The following GSN variants were observed in gnomAD, a reference collection of about 807,000 sequenced individuals.
GSN encodes the protein gelsolin.
GSN carries 56 observed loss-of-function variants against 85.7 expected under a neutral mutation model. The observed-to-expected ratio is 0.65, with a 90% confidence interval of 0.53 to 0.82. GSN has a LOEUF of 0.82. Ranked by LOEUF, GSN falls within the 40% of genes least tolerant of loss-of-function variation. The probability of loss-of-function intolerance (pLI) is 0.00; values close to 1 mark genes in which losing one functional copy is unlikely to be tolerated. For missense variants in GSN, 857 were observed against 979.8 expected, an observed-to-expected ratio of 0.87 and a Z score of 1.67; for synonymous variants, 373 against 399.1, an observed-to-expected ratio of 0.93 and a Z score of 0.78.
chr9:121,224,461 A>T (rs958740415), intron 4 of GSN, among the ~76,000 whole-genome samples: 2 of 152,158 alleles, frequency 1.3e-5, no homozygotes, highest in African/African-American at 4.8e-5. Flanking sequence ...AGTGCCAGAG[A>T]TTACTTTGTT....
At chr9:121,225,774 G>A (rs538998922) in intron 4 of GSN, among the ~76,000 whole-genome samples, 48 of 152,232 alleles carry the variant, frequency 3.2e-4, no homozygotes, top group Non-Finnish European at 5.6e-4. Flanking sequence ...GATGATTAGC[G>A]TAGACTGCCC....
chr9:121,325,522 A>G (rs2133855368), intron 12 of GSN, among the ~76,000 whole-genome samples: 1 of 152,296 alleles, frequency 6.6e-6, no homozygotes. Context: ...AACAACAGGA[A>G]GTTGCTGAAT....
intron 2 of GSN, 151 bp downstream of exon 2, chr9:121,281,713 G>T: frequency 2.1e-6 from 1 of 471,256 alleles, no homozygotes; most frequent in Non-Finnish European, 4.4e-6. Flanking sequence ...AAGGCTCAGA[G>T]TGCGTCTCTG....
intron 6 of GSN, chr9:121,313,711 G>A (rs2061416280): frequency 1.7e-6 from 1 of 603,720 alleles, no homozygotes; most frequent in Non-Finnish European, 3.0e-6. Flanking sequence ...AGGAGCAGGA[G>A]TGTTCTCCTG....
intron 1 of GSN, among the ~76,000 whole-genome samples, chr9:121,275,960 T>C (rs957470501): frequency 2.0e-5 from 3 of 152,224 alleles, no homozygotes; most frequent in Non-Finnish European, 4.4e-5. Context: ...AGACATCTTA[T>C]TGTCTTTCTG....
chr9:121,263,234 T>A (rs1048742115), upstream of GSN, among the ~76,000 whole-genome samples: 2 of 152,224 alleles, frequency 1.3e-5, no homozygotes, highest in East Asian at 3.8e-4. Context: ...ACCAGCATGA[T>A]GTCACTGAGT....
At chr9:121,225,502 C>G (rs2054256308) in intron 4 of GSN, among the ~76,000 whole-genome samples, 1 of 152,218 alleles carries the variant, frequency 6.6e-6, no homozygotes, top group Non-Finnish European at 1.5e-5. Context: ...TTTGTGATTT[C>G]CAGCTCTGCA....
intron 6 of GSN, among the ~76,000 whole-genome samples, chr9:121,253,826 G>T (rs2054890902): frequency 6.6e-6 from 1 of 152,078 alleles, no homozygotes; most frequent in Non-Finnish European, 1.5e-5. Context: ...ACCCTTCTTT[G>T]CTGGTTCCAT....
At chr9:121,268,645 C>G (rs1025794373) in intron 1 of GSN, among the ~76,000 whole-genome samples, 1 of 152,192 alleles carries the variant, frequency 6.6e-6, no homozygotes, top group Non-Finnish European at 1.5e-5. Flanking sequence ...CCCTTGCCTC[C>G]TGGACGATAC....
intron 6 of GSN, among the ~76,000 whole-genome samples, chr9:121,251,621 A>G (rs2054837951): frequency 1.3e-5 from 2 of 152,160 alleles, no homozygotes; most frequent in Admixed American, 1.3e-4. Flanking sequence ...CTGGTAGGTA[A>G]TGGACAATGG....
At chr9:121,330,589 A>G (rs1298334577) in intron 16 of GSN, among the ~76,000 whole-genome samples, 1 of 152,252 alleles carries the variant, frequency 6.6e-6, no homozygotes, top group African/African-American at 2.4e-5. Context: ...AAAAGTGAGA[A>G]AAATGAAGTC....
At chr9:121,246,274 T>TA (rs142668931) in intron 5 of GSN, among the ~76,000 whole-genome samples, 75 of 151,986 alleles carry the variant, frequency 4.9e-4, no homozygotes, top group Admixed American at 5.9e-4. Context: ...GTTTTTTTTT[T>TA]AAAAAGGAGA....
At chr9:121,328,744 C>G in intron 14 of GSN, 147 bp from the exon 15 acceptor site, 1 of 869,272 alleles carries the variant, frequency 1.2e-6, no homozygotes, top group Non-Finnish European at 1.9e-6. Context: ...CAGGCCTCTT[C>G]CCTCTGGATC....
intron 10 of GSN, among the ~76,000 whole-genome samples, chr9:121,320,859 A>G (rs1208215870): frequency 6.6e-6 from 1 of 152,146 alleles, no homozygotes; most frequent in Non-Finnish European, 1.5e-5. Flanking sequence ...TACTATGATT[A>G]TCCCCATTTT....
intron 5 of GSN, among the ~76,000 whole-genome samples, chr9:121,243,782 T>C (rs923235678): frequency 6.6e-6 from 1 of 152,198 alleles, no homozygotes; most frequent in Non-Finnish European, 1.5e-5. Flanking sequence ...TTCACCAGGT[T>C]GGCCGGGCTG....
Position 121,286,622 on chromosome 9 carries a change from A to C in GSN, c.-10+5060A>C, listed in dbSNP as rs1365587052. ...CCCAGGGCCCACAACTGCTTGAATG[A>C]CTATTGGTGTTCCTGTTTGTGTGCC... On this transcript the variant is annotated intron_variant, in intron 2 of 17. Transcript: ENST00000432226. 4.6e-6 allele frequency: 7 copies of C among 1,523,610 alleles called. No homozygotes were observed. In the East Asian group the frequency reaches 1.2e-4, roughly 27 times the overall value. The allele number at this position is 1,523,610 out of a possible 1,614,324, so 94.4% of individuals were successfully genotyped here.
intron 4 of GSN, among the ~76,000 whole-genome samples, chr9:121,307,740 A>G (rs888068890): frequency 3.3e-5 from 5 of 152,222 alleles, no homozygotes; most frequent in African/African-American, 1.2e-4. Flanking sequence ...TCAGGTAAGC[A>G]CAGCTGAGCA....
intron 10 of GSN, among the ~76,000 whole-genome samples, chr9:121,320,024 C>T (rs971947237): frequency 1.2e-4 from 19 of 152,156 alleles, no homozygotes; most frequent in African/African-American, 4.1e-4. Context: ...GAAAATATTT[C>T]GGGTGGGGCG....
intron 1 of GSN, chr9:121,281,011 T>A (rs973463786): frequency 1.3e-5 from 2 of 155,436 alleles, no homozygotes; most frequent in African/African-American, 2.4e-5. Flanking sequence ...GTGCTGTCAG[T>A]AGGGACAGGT....
Sources: allele counts gnomAD v4.1 joint callset (sites outside exome capture counted in the v4.1 genomes callset), GRCh38; gene constraint gnomAD v4.1.1; transcripts MANE v1.5; gene names NCBI Gene and HGNC (gene_info 2026-07-23, HGNC 2026-07-21).